Variants in KLF8 observed in about 807,000 individuals in gnomAD.
KLF8 encodes Krueppel-like factor 8.
KLF8 carries 10 observed loss-of-function variants against 18.2 expected under a neutral mutation model. The ratio of observed to expected loss-of-function variants is 0.55; its 90% CI spans 0.34 to 0.93. The LOEUF is 0.93. Among genes scored for constraint, KLF8 ranks in the 40% least tolerant of loss-of-function variants. The pLI is 0.02. For synonymous variants in KLF8, 109 were observed against 97.3 expected, an observed-to-expected ratio of 1.12 and a Z score of -0.71; for missense variants, 264 against 277.9, an observed-to-expected ratio of 0.95 and a Z score of 0.36.
the KLF8 span, among the ~76,000 whole-genome samples, chrX:56,084,081 A>T: frequency 8.9e-6 from 1 of 111,912 alleles, no homozygotes; most frequent in Non-Finnish European, 1.9e-5. Flanking sequence ...GTCACTATAA[A>T]AAGCCAATTA....
At chrX:56,040,807 T>TTC in the KLF8 span, among the ~76,000 whole-genome samples, 1 of 37,093 alleles carries the variant, frequency 2.7e-5, no homozygotes, top group Non-Finnish European at 3.9e-5. Context: ...CAGCTTTTTT[T>TTC]TTTTTTTTTT....
At chrX:56,165,851 C>A in the KLF8 span, among the ~76,000 whole-genome samples, 115 of 104,713 alleles carry the variant, frequency 1.1e-3, no homozygotes, top group African/African-American at 4.0e-3. Flanking sequence ...ACAGAGAGAC[C>A]CTGTCTCAAA....
chrX:56,036,202 T>C, the KLF8 span, among the ~76,000 whole-genome samples: 1 of 111,948 alleles, frequency 8.9e-6, no homozygotes, highest in Non-Finnish European at 1.9e-5. Context: ...GTAACTAGCA[T>C]ATTTATCATC....
chrX:56,000,595 T>G, the KLF8 span, among the ~76,000 whole-genome samples: 3 of 110,402 alleles, frequency 2.7e-5, no homozygotes, highest in Admixed American at 9.7e-5. Context: ...TTCCAGTAAT[T>G]TCTCCATTTT....
the KLF8 span, among the ~76,000 whole-genome samples, chrX:56,156,124 A>C: frequency 1.0e-3 from 115 of 112,216 alleles, no homozygotes; most frequent in African/African-American, 3.4e-3. Flanking sequence ...ATTCAACTTC[A>C]TGTGTCTTGT....
the KLF8 span, among the ~76,000 whole-genome samples, chrX:56,047,748 C>A: frequency 9.0e-6 from 1 of 111,400 alleles, no homozygotes; most frequent in Non-Finnish European, 1.9e-5. Context: ...GTCTTTATAG[C>A]AGCATGATTT....
At chrX:56,174,511 A>T in the KLF8 span, among the ~76,000 whole-genome samples, 631 of 112,056 alleles carry the variant, frequency 5.6e-3, 4 homozygotes, top group Non-Finnish European at 5.2e-3. Flanking sequence ...TATTTTATTT[A>T]GGATTTTTGC....
At chrX:56,005,081 C>T in the KLF8 span, among the ~76,000 whole-genome samples, 2 of 108,757 alleles carry the variant, frequency 1.8e-5, no homozygotes, top group Non-Finnish European at 3.8e-5. Flanking sequence ...CTTGGTCTGT[C>T]GCCCAGGCTG....
At chrX:56,017,467 T>G in the KLF8 span, among the ~76,000 whole-genome samples, 1 of 112,081 alleles carries the variant, frequency 8.9e-6, no homozygotes. Flanking sequence ...AAAGAGAAAA[T>G]AGTAGAACGG....
chrX:56,142,226 G>A, the KLF8 span, among the ~76,000 whole-genome samples: 1 of 111,555 alleles, frequency 9.0e-6, no homozygotes, highest in Admixed American at 9.5e-5. Context: ...GGCTTGTCAA[G>A]TTCACCAATA....
the KLF8 span, among the ~76,000 whole-genome samples, chrX:55,977,934 GT>G: frequency 9.1e-6 from 1 of 110,136 alleles, no homozygotes; most frequent in Non-Finnish European, 1.9e-5. Context: ...GATTGGCTGG[GT>G]TTTTTTGGTC....
the KLF8 span, among the ~76,000 whole-genome samples, chrX:55,909,104 T>C: frequency 8.9e-6 from 1 of 111,907 alleles, no homozygotes; most frequent in African/African-American, 3.3e-5. Context: ...GCAGCAACCC[T>C]ATCAGGTTGC....
chrX:55,945,267 G>A, the KLF8 span, among the ~76,000 whole-genome samples: 1 of 110,544 alleles, frequency 9.0e-6, no homozygotes. Flanking sequence ...GGTCAATTTT[G>A]GAATAGGTGT....
the KLF8 span, among the ~76,000 whole-genome samples, chrX:55,934,070 TA>T: frequency 2.7e-5 from 3 of 112,115 alleles, no homozygotes. Context: ...TGGTACTACT[TA>T]ATTCATCCAT....
chrX:56,164,288 G>A, the KLF8 span, among the ~76,000 whole-genome samples: 3 of 91,079 alleles, frequency 3.3e-5, no homozygotes, highest in East Asian at 1.0e-3. Flanking sequence ...CTAAGCCTAT[G>A]TCTCTGCATT....
At chrX:56,249,735 C>A (rs1268278223) in intron 1 of KLF8, among the ~76,000 whole-genome samples, 1 of 111,489 alleles carries the variant, frequency 9.0e-6, no homozygotes, top group Non-Finnish European at 1.9e-5. Context: ...GACACTAATT[C>A]CTTTTTTTAA....
At chrX:55,937,776 G>T in the KLF8 span, among the ~76,000 whole-genome samples, 2 of 112,120 alleles carry the variant, frequency 1.8e-5, no homozygotes, top group African/African-American at 3.2e-5. Context: ...GAGTATCAGC[G>T]ATGGAAGATG....
chrX:55,961,293 G>A, the KLF8 span: 1 of 385,104 alleles, frequency 2.6e-6, no homozygotes, highest in African/African-American at 2.5e-5. Flanking sequence ...TCTGCCAGAG[G>A]TCCTGGTGGA....
chrX:56,124,508 C>T, the KLF8 span, among the ~76,000 whole-genome samples: 415 of 112,005 alleles, frequency 3.7e-3, no homozygotes, highest in African/African-American at 0.013. Flanking sequence ...TTTCTGATGC[C>T]ATATAAAACA....
Sources: gnomAD v4.1 joint callset for allele counts (sites outside exome capture counted in the v4.1 genomes callset) on GRCh38, gnomAD v4.1.1 for gene constraint, MANE v1.5 for transcripts, NCBI Gene and HGNC (gene_info 2026-07-23, HGNC 2026-07-21) for gene names.